RBMS3: variants seen among roughly 807,000 people sequenced by gnomAD.
RBMS3 encodes RNA-binding motif, single-stranded-interacting protein 3.
RBMS3 carries 27 observed loss-of-function variants against 66.8 expected under a neutral mutation model. That is an observed-to-expected ratio of 0.40 (90% CI 0.30 to 0.56). The LOEUF is 0.56. Among genes scored for constraint, RBMS3 ranks in the 20% least tolerant of loss-of-function variants. The probability of loss-of-function intolerance (pLI) is 0.40; values close to 1 mark genes in which losing one functional copy is unlikely to be tolerated. For missense variants in RBMS3, 513 were observed against 549.5 expected (o/e 0.93, Z 0.66); for synonymous variants, 188 against 183.0 (o/e 1.03, Z -0.22).
intron 1 of RBMS3, among the ~76,000 whole-genome samples, chr3:29,393,410 G>T (rs1272050289): frequency 1.3e-5 from 2 of 152,118 alleles, no homozygotes; most frequent in Non-Finnish European, 1.5e-5. Context: ...GGCTTAAGAG[G>T]TGTATATTCC....
intron 4 of RBMS3, among the ~76,000 whole-genome samples, chr3:29,675,884 A>C (rs1375971388): frequency 6.6e-6 from 1 of 152,238 alleles, no homozygotes; most frequent in Non-Finnish European, 1.5e-5. Context: ...TCAAGGATCT[A>C]GAACTAGAAA....
Position 29,434,678 on chromosome 3 carries a change from G to C in RBMS3, c.76-65G>C, listed in dbSNP as rs924737406. The C allele has an allele frequency of 3.2e-6, 5 of 1,555,188 alleles. No individual in the cohort carries two copies. In the African/African-American group the frequency reaches 6.8e-5, roughly 21 times the overall value. ...GCATAGCTTACATTGATTTCAAGTT[G>C]TGCTGCTGGCCTGTGAATAGGTGCT... On this transcript the variant is annotated intron_variant, in intron 1 of 14. Coordinates refer to ENST00000383767, the MANE Select transcript of RBMS3 (RefSeq NM_001003793.3).
At chr3:29,892,982 G>A (rs1300425323) in intron 8 of RBMS3, among the ~76,000 whole-genome samples, 1 of 151,260 alleles carries the variant, frequency 6.6e-6, no homozygotes, top group Non-Finnish European at 1.5e-5. Flanking sequence ...GTCTGGCCTT[G>A]TGTATTTTCT....
rs1232770442 is a variant in RBMS3 at position 29,670,292 on chromosome 3, A to G, written c.400-69428A>G. Among the ~76,000 whole-genome samples, 3 of 152,260 alleles carry G rather than the reference A, an allele frequency of 2.0e-5. No individual in the cohort carries two copies. In the East Asian group the frequency reaches 5.8e-4, roughly 29 times the overall value. ...AGAAACTAGTAGGCTTCCAGTTCCAAGAAGGCCAAATAGGAAGAGCTCCAG... is the reference window on the plus strand; with the variant it reads ...AGAAACTAGTAGGCTTCCAGTTCCAGGAAGGCCAAATAGGAAGAGCTCCAG... On this transcript the variant is annotated intron_variant, in intron 4 of 14. Transcript: ENST00000383767.
chr3:29,762,304 A>G (rs1384687241), intron 5 of RBMS3, among the ~76,000 whole-genome samples: 2 of 144,434 alleles, frequency 1.4e-5, no homozygotes, highest in African/African-American at 2.6e-5. Context: ...CATAAAGTGG[A>G]TTTTCAATAA....
chr3:29,312,690 C>T (rs2034450926), intron 1 of RBMS3, among the ~76,000 whole-genome samples: 1 of 151,118 alleles, frequency 6.6e-6, no homozygotes. Context: ...GTCTTCTTTT[C>T]CCTTCCCTCT....
chr3:29,654,611 G>T (rs530260384), intron 4 of RBMS3, among the ~76,000 whole-genome samples: 6 of 142,012 alleles, frequency 4.2e-5, no homozygotes, highest in South Asian at 2.3e-4. Flanking sequence ...TTTTTTTTTT[G>T]AGAGAGTTTC....
intron 3 of RBMS3, among the ~76,000 whole-genome samples, chr3:29,584,436 G>T (rs559096136): frequency 4.6e-5 from 7 of 151,962 alleles, no homozygotes; most frequent in Admixed American, 4.6e-4. Context: ...TTGTGCTGTT[G>T]TCCTCCTATA....
At chr3:29,384,967 A>G (rs929366227) in intron 1 of RBMS3, among the ~76,000 whole-genome samples, 4 of 152,226 alleles carry the variant, frequency 2.6e-5, no homozygotes, top group African/African-American at 9.6e-5. Flanking sequence ...GTATGATCTT[A>G]TAACTCCTGA....
intron 1 of RBMS3, among the ~76,000 whole-genome samples, chr3:29,307,042 T>C (rs2034061004): frequency 6.6e-6 from 1 of 151,922 alleles, no homozygotes; most frequent in Non-Finnish European, 1.5e-5. Flanking sequence ...AACGCACTGT[T>C]TTAAAATTAT....
At chr3:29,593,883 T>A (rs1015191697) in intron 4 of RBMS3, among the ~76,000 whole-genome samples, 1 of 152,216 alleles carries the variant, frequency 6.6e-6, no homozygotes, top group African/African-American at 2.4e-5. Context: ...ATTTATTAGA[T>A]TGTAACAATT....
chr3:29,579,598 G>T (rs939174317), intron 3 of RBMS3, among the ~76,000 whole-genome samples: 1 of 152,132 alleles, frequency 6.6e-6, no homozygotes, highest in Non-Finnish European at 1.5e-5. Flanking sequence ...TGTTGGAATT[G>T]TTTTATTAAT....
At chr3:29,452,535 G>A (rs1392829451) in intron 2 of RBMS3, among the ~76,000 whole-genome samples, 1 of 152,144 alleles carries the variant, frequency 6.6e-6, no homozygotes, top group Non-Finnish European at 1.5e-5. Flanking sequence ...ACATTATTCT[G>A]ACACCTAGAA....
intron 4 of RBMS3, among the ~76,000 whole-genome samples, chr3:29,677,064 A>T (rs1191206825): frequency 2.0e-5 from 3 of 152,148 alleles, no homozygotes; most frequent in Non-Finnish European, 4.4e-5. Flanking sequence ...CCAGAACAGG[A>T]CCAAGAAAGA....
At chr3:29,479,491 G>C (rs1392856401) in intron 2 of RBMS3, among the ~76,000 whole-genome samples, 1 of 151,812 alleles carries the variant, frequency 6.6e-6, no homozygotes. Flanking sequence ...TCATTGAAGA[G>C]AAAATCTCAT....
intron 6 of RBMS3, among the ~76,000 whole-genome samples, chr3:29,790,459 G>A (rs1466541550): frequency 1.3e-5 from 2 of 152,112 alleles, no homozygotes; most frequent in Non-Finnish European, 2.9e-5. Flanking sequence ...CAAAGAGCAT[G>A]ATTCATTCAT....
intron 1 of RBMS3, among the ~76,000 whole-genome samples, chr3:29,411,616 G>A (rs2040269688): frequency 6.6e-6 from 1 of 152,208 alleles, no homozygotes; most frequent in Non-Finnish European, 1.5e-5. Context: ...GAGAGAGAGA[G>A]TGAAACTTTT....
chr3:29,891,942 G>T (rs1040190869), intron 8 of RBMS3, among the ~76,000 whole-genome samples: 1 of 151,414 alleles, frequency 6.6e-6, no homozygotes, highest in African/African-American at 2.4e-5. Flanking sequence ...ACAAGCCAGT[G>T]CTGTTTATTT....
chr3:29,582,068 CAG>C (rs1223412977), intron 3 of RBMS3, among the ~76,000 whole-genome samples: 1 of 152,028 alleles, frequency 6.6e-6, no homozygotes, highest in Non-Finnish European at 1.5e-5. Flanking sequence ...GCAAAGGTCT[CAG>C]GGAAGATGTT....
Sources: gnomAD v4.1 joint callset for allele counts (sites outside exome capture counted in the v4.1 genomes callset) on GRCh38, gnomAD v4.1.1 for gene constraint, MANE v1.5 for transcripts, NCBI Gene and HGNC (gene_info 2026-07-23, HGNC 2026-07-21) for gene names.